The following MED13 variants were observed in gnomAD, a reference collection of about 807,000 sequenced individuals.
MED13 encodes the protein mediator of RNA polymerase II transcription subunit 13.
MED13 carries 23 observed loss-of-function variants against 225.2 expected under a neutral mutation model. The observed-to-expected ratio is 0.10, with a 90% CI of 0.07 to 0.14. The LOEUF (loss-of-function observed/expected upper bound fraction) is 0.14, where lower values mean the gene tolerates loss of function less well. Among genes scored for constraint, MED13 ranks in the 10% least tolerant of loss-of-function variants. MED13 has a pLI of 1.00. For synonymous variants in MED13, 942 were observed against 889.2 expected (o/e 1.06, Z -1.06); for missense variants, 2,197 against 2,594.5 (o/e 0.85, Z 3.33).
chr17:62,010,697 T>A lies in MED13; in HGVS notation c.1820A>T (p.Glu607Val). Residue 607 changes from glutamate (E) to valine (V), a missense_variant, in exon 9 of 30, where the codon GAA becomes GTA. By Grantham distance (121) the Glu-to-Val change is moderately radical (BLOSUM62 -2). This residue lies in a region of MED13 where 884 missense variants were observed against 918.5 expected (regional missense o/e 0.96). Coordinates refer to ENST00000397786, the MANE Select transcript of MED13 (RefSeq NM_005121.3). ...TVYVGTAVNL[E>V]EDEANIAWKY... ...CCAGGCTATATTGGCTTCATCTTCT[T>A]CCAAGTTTACTGCTGTACCAACATA... is the stretch of plus-strand genomic sequence containing the variant. 1 of 1,562,510 alleles carries A rather than the reference T, an allele frequency of 6.4e-7. No individual in the cohort carries two copies. Among genetic ancestry groups the A allele is most frequent in the Non-Finnish European group, 8.7e-7 (1 of 1,153,276 alleles).
Position 62,065,164 on chromosome 17 carries a change from A to G in MED13, c.42T>C (p.Asp14=). Residue 14 remains aspartate (D), a synonymous_variant, in exon 1 of 30, where the codon GAT becomes GAC. Coordinates refer to ENST00000397786, the MANE Select transcript of MED13 (RefSeq NM_005121.3). ...SFVPNGASLE[D]CHCNLFCLAD... ...CCAGGCAGAAGAGGTTACAGTGACA[A>G]TCTTCCAGGCTGGCCCCGTTCGGCA... The G allele has an allele frequency of 1.3e-6, 2 of 1,581,880 alleles. No homozygotes were observed. Among genetic ancestry groups the G allele is most frequent in the Non-Finnish European group, 1.7e-6 (2 of 1,165,676 alleles).
At position 62,042,787 on chromosome 17, in the gene MED13, C is replaced by T. The variant is rs1014283470; in HGVS notation, c.471-7179G>A. On this transcript the variant is annotated intron_variant, in intron 3 of 29. Coordinates refer to ENST00000397786, the MANE Select transcript of MED13 (RefSeq NM_005121.3). ...ATTTTTCATGCCTAAAATGCAGCTC[C>T]AACACTTGATAGCTGTATGAGCTTG... Among the ~76,000 whole-genome samples the T allele has an allele frequency of 9.9e-5, 15 of 151,950 alleles. 1 individual carries two copies. Among genetic ancestry groups the T allele is most frequent in the Admixed American group, 8.5e-4 (13 of 15,238 alleles).
chr17:61,957,522 G>T (rs1464944467), intron 23 of MED13, among the ~76,000 whole-genome samples: 3 of 151,694 alleles, frequency 2.0e-5, no homozygotes, highest in Admixed American at 6.6e-5. Context: ...GCTAATTTTT[G>T]TATTTTTAGT....
chr17:61,953,936 T>G (rs1395995932), intron 26 of MED13, among the ~76,000 whole-genome samples: 2 of 152,222 alleles, frequency 1.3e-5, no homozygotes, highest in Non-Finnish European at 2.9e-5. Context: ...TTCCTTTACG[T>G]ACACACCTAT....
At position 61,992,577 on chromosome 17, in the gene MED13, T is replaced by C; in HGVS notation, c.2226A>G (p.Glu742=). The C allele has an allele frequency of 6.2e-7, 1 of 1,612,240 alleles. No homozygotes were observed. The highest frequency in any genetic ancestry group is 8.5e-7 in the Non-Finnish European group (1 of 1,178,520). Residue 742 remains glutamate, a synonymous_variant, in exon 11 of 30, where the codon GAA becomes GAG. Transcript: ENST00000397786. The stretch of plus-strand genomic sequence containing the variant: ...AGGGACTAAATAATGACATAGCATC[T>C]TCTTCATGTGATAACACTGTTACAC... ...TSSVTVLSHE[E]DAMSLFSPSI... is the part of the protein sequence containing the mutation.
chr17:61,992,066 G>A (rs927503496), intron 11 of MED13, among the ~76,000 whole-genome samples: 5 of 152,246 alleles, frequency 3.3e-5, no homozygotes, highest in African/African-American at 1.2e-4. Flanking sequence ...AACACTTGGA[G>A]TTATGATGAT....
rs982284632 is a variant in MED13, at chr17:61,995,448, T to C, written c.1968-83A>G. 6 of 881,202 alleles carry C rather than the reference T, an allele frequency of 6.8e-6. No homozygotes were observed. In the African/African-American group the frequency reaches 1.0e-4, roughly 15 times the overall value. The allele number at this position is 881,202 out of a possible 1,614,324, so 54.6% of individuals were successfully genotyped here. A position where few individuals can be genotyped will look rare whatever the true frequency, so the allele number is the denominator to read the frequency against. On this transcript the variant is annotated intron_variant, in intron 9 of 29. Coordinates refer to ENST00000397786, the MANE Select transcript of MED13 (RefSeq NM_005121.3). ...ATGACGTTAAGTATCATAATGTTTT[T>C]AGAATTACTTAAAGATTATCTAACC...
intron 16 of MED13, among the ~76,000 whole-genome samples, chr17:61,981,411 A>AC (rs1292385408): frequency 7.3e-5 from 11 of 151,078 alleles, no homozygotes; most frequent in African/African-American, 1.7e-4. Context: ...TTTAGTATAA[A>AC]CCACAAAGGC....
rs181953524 is a variant in MED13 at position 61,988,185 on chromosome 17, C to T, written c.2264-1057G>A. On this transcript the variant is annotated intron_variant, in intron 11 of 29. Transcript: ENST00000397786. ...GACAAATTACTTAATGTCTCTGTGC[C>T]TCAATACCAAGAATAAAATGTAATA... is the stretch of plus-strand genomic sequence containing the variant. Among the ~76,000 whole-genome samples the T allele has an allele frequency of 9.3e-4, 141 of 152,276 alleles. 1 individual carries two copies. Among genetic ancestry groups the T allele is most frequent in the Non-Finnish European group, 1.6e-3 (107 of 68,032 alleles).
rs755419592 is a variant in MED13 at position 61,945,570 on chromosome 17, A to G, written c.*898T>C. ...ATAGCCCTAAACCATAGTACAAAAT[A>G]TAACTGAAGAATTCTCATTTTATTC... On this transcript the variant is annotated 3_prime_UTR_variant, in exon 30 of 30. Coordinates refer to ENST00000397786, the MANE Select transcript of MED13 (RefSeq NM_005121.3). 2.6e-5 allele frequency: 4 copies of G among 152,674 alleles called. No individual in the cohort carries two copies. The highest frequency in any genetic ancestry group is 6.5e-5 in the Admixed American group (1 of 15,276). 9.5% of individuals were successfully genotyped at this position (152,674 alleles called of 1,614,324 possible).
At chr17:62,001,318 TCA>T in intron 9 of MED13, among the ~76,000 whole-genome samples, 1 of 152,316 alleles carries the variant, frequency 6.6e-6, no homozygotes, top group South Asian at 2.1e-4. Context: ...TCTATAACAT[TCA>T]TACATCCCTG....
intron 2 of MED13, among the ~76,000 whole-genome samples, chr17:62,055,241 A>G (rs1028388220): frequency 1.3e-5 from 2 of 151,954 alleles, no homozygotes; most frequent in East Asian, 3.9e-4. Context: ...CTAAAAATAT[A>G]AAAATTAGCC....
At chr17:61,971,246 A>G (rs536231817) in intron 17 of MED13, among the ~76,000 whole-genome samples, 79 of 152,048 alleles carry the variant, frequency 5.2e-4, no homozygotes, top group African/African-American at 1.8e-3. Flanking sequence ...AAATCAGTTA[A>G]GGTACAGAAA....
At chr17:62,056,979 A>G (rs2081000860) in intron 2 of MED13, among the ~76,000 whole-genome samples, 1 of 152,170 alleles carries the variant, frequency 6.6e-6, no homozygotes, top group Admixed American at 6.6e-5. Flanking sequence ...AGTAGTGCCA[A>G]AGTATGTGAT....
At chr17:61,953,196 A>T in intron 26 of MED13, 83 bp from the exon 27 acceptor site, 1 of 1,383,656 alleles carries the variant, frequency 7.2e-7, no homozygotes, top group Non-Finnish European at 9.7e-7. Flanking sequence ...AAATAAATGA[A>T]ATTTTAACCA....
Position 61,955,849 on chromosome 17 carries a change from C to T in MED13, c.5624-11G>A. ...GCAAACAGCTCCAATCTGTGGGTAT[C>T]AACAGTAAAAAAAAAAAAAAAAAAA... On this transcript the variant is annotated splice_polypyrimidine_tract_variant and intron_variant, in intron 24 of 29. Transcript: ENST00000397786. 1 of 284,756 alleles carries T rather than the reference C, an allele frequency of 3.5e-6. No homozygotes were observed. 17.6% of individuals were successfully genotyped at this position (284,756 alleles called of 1,614,324 possible). A position where few individuals can be genotyped will look rare whatever the true frequency, so the allele number is the denominator to read the frequency against.
chr17:61,946,463 G>A lies in MED13; in HGVS notation c.*5C>T. 6.2e-7 allele frequency: 1 copy of A among 1,611,182 alleles called. No homozygotes were observed. Among genetic ancestry groups the A allele is most frequent in the African/African-American group, 1.3e-5 (1 of 74,800 alleles). On this transcript the variant is annotated 3_prime_UTR_variant, in exon 30 of 30. Coordinates refer to ENST00000397786, the MANE Select transcript of MED13 (RefSeq NM_005121.3). ...CTTTTCTTGCACAGTTCCATCAAAT[G>A]AAGATCACAGCATATTCATAATAAA...
At chr17:61,974,498 A>C (rs1425443966) in intron 16 of MED13, among the ~76,000 whole-genome samples, 1 of 152,166 alleles carries the variant, frequency 6.6e-6, no homozygotes, top group African/African-American at 2.4e-5. Context: ...GCTGACCCCC[A>C]GGACACAAGT....
chr17:61,949,780 C>T (rs8068055), intron 28 of MED13, among the ~76,000 whole-genome samples: 1,859 of 152,148 alleles, frequency 0.012, 38 homozygotes, highest in African/African-American at 0.042. Flanking sequence ...CTTTACCTGC[C>T]GGGTTCAAGT....
Sources: allele counts gnomAD v4.1 joint callset (sites outside exome capture counted in the v4.1 genomes callset), GRCh38; gene constraint gnomAD v4.1.1; regional missense constraint gnomAD v4.1.1; transcripts MANE v1.5; gene names NCBI Gene and HGNC (gene_info 2026-07-23, HGNC 2026-07-21).